FAM168A: variants seen among roughly 807,000 people sequenced by gnomAD.
FAM168A encodes family with sequence similarity 168 member A, also known as protein FAM168A.
Under a neutral mutation model 28.5 loss-of-function variants are expected in FAM168A, and 3 were observed. The ratio of observed to expected loss-of-function variants is 0.11; its 90% CI spans 0.05 to 0.27. FAM168A has a LOEUF of 0.27. Ranked by LOEUF, FAM168A falls within the 10% of genes least tolerant of loss-of-function variation. FAM168A has a pLI of 1.00. For missense variants in FAM168A, 222 were observed against 311.5 expected (o/e 0.71, Z 2.16); for synonymous variants, 122 against 124.2 (o/e 0.98, Z 0.12).
At chr11:73,454,733 GT>G (rs1867496757) in intron 2 of FAM168A, among the ~76,000 whole-genome samples, 1 of 152,192 alleles carries the variant, frequency 6.6e-6, no homozygotes, top group Non-Finnish European at 1.5e-5. Context: ...TTGGAGAGAA[GT>G]GGCTTGACTT....
At position 73,533,541 on chromosome 11, in the gene FAM168A, T is replaced by G. The variant is rs1303527316; in HGVS notation, c.-19+64382A>C. Among the ~76,000 whole-genome samples, 3 of 148,948 alleles carry G rather than the reference T, an allele frequency of 2.0e-5. No homozygotes were observed. The East Asian group carries it at 5.8e-4, about 29-fold the overall frequency. On this transcript the variant is annotated intron_variant, in intron 1 of 7. Transcript: ENST00000356467. ...AAGGAGAACCATATTCTCTGTTGTG[T>G]TTCACCAACAGCAAGGAGAAAAGGC...
rs1283408749 is a variant in FAM168A at position 73,401,499 on chromosome 11, G to A, written c.*5264C>T. ...TCTCTTAGGCCTGAGGAGAAAGGCT[G>A]GGGTCTGGAGATGCTGGTCTTGCTG... On this transcript the variant is annotated 3_prime_UTR_variant, in exon 8 of 8. Transcript: ENST00000356467. The A allele has an allele frequency of 4.6e-5, 7 of 152,200 alleles. No individual in the cohort carries two copies. The highest frequency in any genetic ancestry group is 1.4e-4 in the African/African-American group (6 of 41,454). The allele number at this position is 152,200 out of a possible 1,614,324, so 9.4% of individuals were successfully genotyped here.
chr11:73,484,862 T>C (rs1484737576), intron 1 of FAM168A, among the ~76,000 whole-genome samples: 1 of 151,782 alleles, frequency 6.6e-6, no homozygotes, highest in Non-Finnish European at 1.5e-5. Flanking sequence ...CTGAAGAACC[T>C]GGAGTCCGAT....
At position 73,409,571 on chromosome 11, in the gene FAM168A, T is replaced by G; in HGVS notation, c.511A>C (p.Ile171Leu). 1 of 1,614,044 alleles carries G rather than the reference T, an allele frequency of 6.2e-7. No individual in the cohort carries two copies. Among genetic ancestry groups the G allele is most frequent in the African/African-American group, 1.3e-5 (1 of 75,058 alleles). Residue 171 changes from isoleucine to leucine, a missense_variant, in exon 6 of 8, where the codon ATC (isoleucine) becomes CTC (leucine). Around this residue, in one of 3 missense-constraint regions of FAM168A, gnomAD observed 64 missense variants for 94.6 expected, o/e 0.68. Transcript: ENST00000356467. ...GGGGCGGCAACAGGTGCTGGGTAGA[T>G]AGCAGAGGGAATGCTGTTGGGCTGG... Reference protein sequence around the residue: ...VVQPNSIPSAIYPAPVAAPRT... With the variant: ...VVQPNSIPSALYPAPVAAPRT...
At chr11:73,587,010 C>T (rs1484198880) in intron 1 of FAM168A, among the ~76,000 whole-genome samples, 4 of 152,026 alleles carry the variant, frequency 2.6e-5, no homozygotes, top group Admixed American at 2.6e-4. Context: ...AAAGGTTTGA[C>T]AACATCAGCC....
Position 73,589,278 on chromosome 11 carries a change from GA to G in FAM168A, c.-19+8644del, listed in dbSNP as rs570914584. 1.8e-4 allele frequency among the ~76,000 whole-genome samples: 28 copies of G among 151,824 alleles called. No homozygotes were observed. The East Asian group carries it at 3.1e-3, about 17-fold the overall frequency. On this transcript the variant is annotated intron_variant, in intron 1 of 7. Coordinates refer to ENST00000356467, the MANE Select transcript of FAM168A (RefSeq NM_015159.3). ...AATAAGCAAATTAAAAAATAATAAA[GA>G]AAAAAACAGACCAATGGATTTTAAT...
At chr11:73,545,179 C>T (rs1320940508) in intron 1 of FAM168A, among the ~76,000 whole-genome samples, 1 of 148,296 alleles carries the variant, frequency 6.7e-6, no homozygotes, top group Non-Finnish European at 1.5e-5. Context: ...ACATGCACCA[C>T]CACATCCAGC....
At chr11:73,408,310 T>C (rs546909541) in intron 6 of FAM168A, among the ~76,000 whole-genome samples, 6 of 152,312 alleles carry the variant, frequency 3.9e-5, no homozygotes, top group Non-Finnish European at 7.3e-5. Context: ...TGATATTGGG[T>C]TCCCAGGACC....
At chr11:73,413,401 T>G (rs765027033) in intron 4 of FAM168A, among the ~76,000 whole-genome samples, 16 of 152,332 alleles carry the variant, frequency 1.1e-4, no homozygotes, top group Non-Finnish European at 2.1e-4. Flanking sequence ...AGTGCAACTA[T>G]GAGCTGAGTG....
chr11:73,530,825 GC>G (rs1021924898), intron 1 of FAM168A, among the ~76,000 whole-genome samples: 12 of 152,142 alleles, frequency 7.9e-5, no homozygotes, highest in Admixed American at 3.9e-4. Context: ...ATAGAGTGCA[GC>G]CCCCATATTT....
At chr11:73,439,072 C>T (rs1867146022) in intron 2 of FAM168A, among the ~76,000 whole-genome samples, 1 of 152,050 alleles carries the variant, frequency 6.6e-6, no homozygotes, top group East Asian at 1.9e-4. Flanking sequence ...GGCTTGACTG[C>T]TGAGAGTGCT....
intron 1 of FAM168A, among the ~76,000 whole-genome samples, chr11:73,494,704 A>C (rs1260603191): frequency 6.6e-6 from 1 of 152,202 alleles, no homozygotes; most frequent in Non-Finnish European, 1.5e-5. Context: ...CTCTTGATGG[A>C]AAAGGAAGTA....
intron 1 of FAM168A, among the ~76,000 whole-genome samples, chr11:73,529,628 G>T (rs1479970013): frequency 6.6e-6 from 1 of 152,104 alleles, no homozygotes; most frequent in Admixed American, 6.6e-5. Flanking sequence ...CAAGAAAAAT[G>T]ACATTCAATA....
chr11:73,503,470 A>G (rs1012457235), intron 1 of FAM168A, among the ~76,000 whole-genome samples: 1 of 152,312 alleles, frequency 6.6e-6, no homozygotes, highest in Admixed American at 6.5e-5. Context: ...CTTCAAGGAT[A>G]GCTACAAACC....
chr11:73,508,371 C>G (rs1855156067), intron 1 of FAM168A, among the ~76,000 whole-genome samples: 1 of 152,186 alleles, frequency 6.6e-6, no homozygotes, highest in Non-Finnish European at 1.5e-5. Context: ...ATAGTTCTCT[C>G]TTTTGCATTT....
At chr11:73,442,039 G>A (rs1359843713) in intron 2 of FAM168A, among the ~76,000 whole-genome samples, 1 of 150,926 alleles carries the variant, frequency 6.6e-6, no homozygotes, top group Non-Finnish European at 1.5e-5. Flanking sequence ...GTCCTTTCCT[G>A]TACTTGATTT....
At chr11:73,551,470 T>C (rs570726270) in intron 1 of FAM168A, among the ~76,000 whole-genome samples, 2 of 152,366 alleles carry the variant, frequency 1.3e-5, no homozygotes, top group South Asian at 2.1e-4. Flanking sequence ...GATTCAGCTA[T>C]ATAGCACAAT....
At chr11:73,522,203 CA>C (rs5792619) in intron 1 of FAM168A, among the ~76,000 whole-genome samples, 32 of 144,472 alleles carry the variant, frequency 2.2e-4, no homozygotes, top group African/African-American at 1.8e-4. Flanking sequence ...TCTAGTCCAC[CA>C]AAAAAAAAAA....
intron 1 of FAM168A, among the ~76,000 whole-genome samples, chr11:73,588,218 T>C (rs929828722): frequency 4.6e-5 from 7 of 152,232 alleles, no homozygotes; most frequent in Admixed American, 1.3e-4. Flanking sequence ...ACTTGGATGT[T>C]TGGCAGACAA....
Sources: gnomAD v4.1 joint callset for allele counts (sites outside exome capture counted in the v4.1 genomes callset) on GRCh38, gnomAD v4.1.1 for gene constraint, gnomAD v4.1.1 regional missense constraint, MANE v1.5 for transcripts, NCBI Gene and HGNC (gene_info 2026-07-23, HGNC 2026-07-21) for gene names.